SFPQ: variants seen among roughly 807,000 people sequenced by gnomAD.
SFPQ encodes the protein splicing factor, proline- and glutamine-rich.
Under a neutral mutation model 72.9 loss-of-function variants are expected in SFPQ, and 11 were observed. The observed-to-expected ratio is 0.15, with a 90% CI of 0.09 to 0.25. The LOEUF (loss-of-function observed/expected upper bound fraction) is 0.25. Among genes scored for constraint, SFPQ ranks in the 10% least tolerant of loss-of-function variants. The probability of loss-of-function intolerance (pLI) is 1.00; values close to 1 mark genes in which losing one functional copy is unlikely to be tolerated. For missense variants in SFPQ, 847 were observed against 993.3 expected, an observed-to-expected ratio of 0.85 and a Z score of 1.98; for synonymous variants, 506 against 367.3, an observed-to-expected ratio of 1.38 and a Z score of -4.32.
intron 1 of SFPQ, 58 bp from the exon 2 acceptor site, chr1:35,191,587 C>T: frequency 7.3e-7 from 1 of 1,364,094 alleles, no homozygotes; most frequent in Non-Finnish European, 1.0e-6. Flanking sequence ...TGAAAATCCC[C>T]AAGATAGTAT....
chr1:35,177,248 T>C (rs1478183652), intron 5 of SFPQ: 1 of 152,124 alleles, frequency 6.6e-6, no homozygotes, highest in Non-Finnish European at 1.5e-5. Flanking sequence ...CCCACATTAG[T>C]ATTGTTATTT....
chr1:35,179,053 T>C, downstream of SFPQ: 1 of 1,058,560 alleles, frequency 9.4e-7, no homozygotes, highest in Non-Finnish European at 1.1e-6. Flanking sequence ...CTCTGAATTC[T>C]TTCCCTAATA....
chr1:35,186,912 A>T, intron 9 of SFPQ, 89 bp downstream of exon 9: 1 of 1,352,444 alleles, frequency 7.4e-7, no homozygotes, highest in Non-Finnish European at 1.0e-6. Context: ...CCAGTCACCT[A>T]CTTAAAAAAA....
intron 4 of SFPQ, 139 bp from the exon 5 acceptor site, chr1:35,189,521 T>C (rs189179027): frequency 5.3e-5 from 32 of 601,802 alleles, no homozygotes; most frequent in African/African-American, 5.0e-4. Flanking sequence ...CATCTATAAA[T>C]ATCTTCACAG....
intron 1 of SFPQ, 42 bp from the exon 2 acceptor site, chr1:35,191,571 T>C: frequency 1.4e-6 from 2 of 1,479,444 alleles, no homozygotes; most frequent in Non-Finnish European, 1.9e-6. Context: ...CAGAGACCTC[T>C]GCAAGTGAAA....
In SFPQ at chr1:35,187,259, A is replaced by G; in HGVS notation, c.1816-8T>C. ...TCGCATGTCTCTTTCCCGCTGCAAG[A>G]AAAAAATTCCTTTCAATATACCTGC... On this transcript the variant is annotated splice_region_variant and splice_polypyrimidine_tract_variant and intron_variant, in intron 7 of 9. Coordinates refer to ENST00000357214, the MANE Select transcript of SFPQ (RefSeq NM_005066.3). 1 of 1,613,920 alleles carries G rather than the reference A, an allele frequency of 6.2e-7. No homozygotes were observed. The highest frequency in any genetic ancestry group is 1.6e-4 in the Middle Eastern group (1 of 6,062).
chr1:35,191,888 T>C (rs1004145148), intron 1 of SFPQ, among the ~76,000 whole-genome samples: 1 of 152,258 alleles, frequency 6.6e-6, no homozygotes, highest in Non-Finnish European at 1.5e-5. Flanking sequence ...TGCGCTTTTA[T>C]GGAACTTCCC....
rs558021037 is a variant in SFPQ at position 35,188,113 on chromosome 1, T to C, written c.1698-23A>G. 6 of 1,507,336 alleles carry C rather than the reference T, an allele frequency of 4.0e-6. No individual in the cohort carries two copies. The South Asian group carries it at 4.5e-5, about 11-fold the overall frequency. 93.4% of individuals were successfully genotyped at this position (1,507,336 alleles called of 1,614,324 possible). On this transcript the variant is annotated intron_variant, in intron 6 of 9. Coordinates refer to ENST00000357214, the MANE Select transcript of SFPQ (RefSeq NM_005066.3). The stretch of plus-strand genomic sequence containing the variant: ...TGCCTAGAAATACCCATCAGGTACA[T>C]AACTGAAGTGTTATCCACATCTTTT...
At position 35,192,719 on chromosome 1, in the gene SFPQ, C is replaced by A; in HGVS notation, c.331G>T (p.Val111Phe). ...GGAGCGGGGCCGGGTCCCTGAGCAA[C>A]GACGGGCTTGGAAGAGTCCTGCGGC... ...PPPQDSSKPV[V>F]AQGPGPAPGV... Residue 111 changes from valine (V) to phenylalanine (F), a missense_variant, in exon 1 of 10, where the codon GTT becomes TTT. Around this residue, in one of 6 missense-constraint regions of SFPQ, gnomAD observed 498 missense variants for 405.1 expected, o/e 1.23. Coordinates refer to ENST00000357214, the MANE Select transcript of SFPQ (RefSeq NM_005066.3). The A allele has an allele frequency of 6.8e-7, 1 of 1,475,438 alleles. No homozygotes were observed. The highest frequency in any genetic ancestry group is 8.9e-7 in the Non-Finnish European group (1 of 1,120,352). 91.4% of individuals were successfully genotyped at this position (1,475,438 alleles called of 1,614,324 possible). A position where few individuals can be genotyped will look rare whatever the true frequency, so the allele number is the denominator to read the frequency against.
At chr1:35,178,209 T>A (rs1219761364), downstream of SFPQ, 1 of 1,090,840 alleles carries the variant, frequency 9.2e-7, no homozygotes, top group Non-Finnish European at 1.1e-6. Context: ...AATCTAAAAT[T>A]ATTCTTACAT....
chr1:35,181,576 T>TA (rs1194952513), downstream of SFPQ: 2 of 1,061,684 alleles, frequency 1.9e-6, no homozygotes, highest in East Asian at 5.1e-5. Flanking sequence ...AAATACCTAT[T>TA]AAATACACTG....
rs141113481 is a variant in SFPQ at position 35,190,612 on chromosome 1, C to G, written c.1320-19G>C. 11 of 1,609,040 alleles carry G rather than the reference C, an allele frequency of 6.8e-6. No individual in the cohort carries two copies. Among genetic ancestry groups the G allele is most frequent in the Non-Finnish European group, 9.3e-6 (11 of 1,176,676 alleles). Reference sequence around the variant, plus strand: ...AGGAGTTCTAATAACAAAAATGGTTCCATCTTAGCTTTGTTCCAGTTTTAT... The same window carrying G: ...AGGAGTTCTAATAACAAAAATGGTTGCATCTTAGCTTTGTTCCAGTTTTAT... On this transcript the variant is annotated intron_variant, in intron 3 of 9. Transcript: ENST00000357214.
Position 35,190,513 on chromosome 1 carries a change from T to G in SFPQ, c.1400A>C (p.Asn467Thr). The G allele has an allele frequency of 6.2e-7, 1 of 1,611,128 alleles. No homozygotes were observed. Among genetic ancestry groups the G allele is most frequent in the Non-Finnish European group, 8.5e-7 (1 of 1,177,670 alleles). The change falls in exon 4 of 10, where the codon AAT becomes ACT. Residue 467 changes from asparagine (N) to threonine (T), a missense_variant. This residue lies in a region of SFPQ where 132 missense variants were observed against 255.4 expected (regional missense o/e 0.52). Coordinates refer to ENST00000357214, the MANE Select transcript of SFPQ (RefSeq NM_005066.3). ...DGLPEKLAQK[N>T]PMYQKERETP... Reference sequence around the variant, plus strand: ...TCAATCTTACTTTTGATACATTGGATTCTTCTGGGCAAGTTTTTCAGGAAG... The same window carrying G: ...TCAATCTTACTTTTGATACATTGGAGTCTTCTGGGCAAGTTTTTCAGGAAG...
At chr1:35,187,362 T>C (rs1639771455) in intron 7 of SFPQ, 111 bp from the exon 8 acceptor site, 2 of 979,114 alleles carry the variant, frequency 2.0e-6, no homozygotes, top group Non-Finnish European at 3.2e-6. Flanking sequence ...AGTTCAAAAG[T>C]TCATCATGTG....
chr1:35,178,172 T>C (rs1405655430), downstream of SFPQ: 3 of 1,061,746 alleles, frequency 2.8e-6, no homozygotes, highest in Non-Finnish European at 3.4e-6. Context: ...CATAAAAAAA[T>C]AGGAAGAAAC....
intron 2 of SFPQ, 110 bp from the exon 3 acceptor site, chr1:35,191,105 C>T: frequency 1.9e-6 from 2 of 1,038,474 alleles, no homozygotes; most frequent in Non-Finnish European, 2.8e-6. Flanking sequence ...TCAGTTCGAC[C>T]ATTACCTTTA....
At chr1:35,192,063 G>C (rs1003340693) in intron 1 of SFPQ, among the ~76,000 whole-genome samples, 159 bp downstream of exon 1, 132 of 151,888 alleles carry the variant, frequency 8.7e-4, no homozygotes, top group African/African-American at 3.1e-3. Flanking sequence ...CCAATCCCCC[G>C]CCGACCGACG....
chr1:35,191,426 T>A lies in SFPQ; in HGVS notation c.932A>T (p.Asp311Val). The A allele has an allele frequency of 6.2e-7, 1 of 1,614,102 alleles. No individual in the cohort carries two copies. The change falls in exon 2 of 10, where the codon GAT (aspartate) becomes GTT (valine). Residue 311 changes from aspartate (D) to valine (V), a missense_variant. Physicochemically the swap from Asp to Val is radical, Grantham distance 152. Coordinates refer to ENST00000357214, the MANE Select transcript of SFPQ (RefSeq NM_005066.3). ...TTTAGCAAATAGTCTTTTGAATTCATCCTCCGTGATATCAGCAGGTAGATT... is the reference window on the plus strand; with the variant it reads ...TTTAGCAAATAGTCTTTTGAATTCAACCTCCGTGATATCAGCAGGTAGATT... ...VGNLPADITE[D>V]EFKRLFAKYG...
intron 4 of SFPQ, among the ~76,000 whole-genome samples, chr1:35,190,150 C>G (rs1048108047): frequency 8.6e-5 from 13 of 151,454 alleles, no homozygotes; most frequent in African/African-American, 2.9e-4. Context: ...ATCCCAGCTA[C>G]CTGGGAGGCT....
Sources: gnomAD v4.1 joint callset for allele counts (sites outside exome capture counted in the v4.1 genomes callset) on GRCh38, gnomAD v4.1.1 for gene constraint, gnomAD v4.1.1 regional missense constraint, MANE v1.5 for transcripts, NCBI Gene and HGNC (gene_info 2026-07-23, HGNC 2026-07-21) for gene names.